The following MRAP2 variants were observed in gnomAD, a reference collection of about 807,000 sequenced individuals.
The protein encoded by MRAP2 is melanocortin-2 receptor accessory protein 2.
A neutral mutation model predicts 17.4 loss-of-function variants in MRAP2; 20 were observed. The ratio of observed to expected loss-of-function variants is 1.15; its 90% CI spans 0.81 to 1.67. The LOEUF is 1.67. Ranked by LOEUF, MRAP2 falls within the 40% of genes most tolerant of loss-of-function variation. MRAP2 has a pLI of 0.00. For synonymous variants in MRAP2, 96 were observed against 88.4 expected (o/e 1.09, Z -0.48); for missense variants, 238 against 240.0 (o/e 0.99, Z 0.05).
chr6:84,101,813 T>C, the MRAP2 span, among the ~76,000 whole-genome samples: 1 of 152,220 alleles, frequency 6.6e-6, no homozygotes, highest in Non-Finnish European at 1.5e-5. Context: ...TTAAATACTA[T>C]AGCAGTCATT....
At chr6:84,096,366 C>T in the MRAP2 span, among the ~76,000 whole-genome samples, 1 of 152,114 alleles carries the variant, frequency 6.6e-6, no homozygotes, top group Admixed American at 6.6e-5. Context: ...AAAAATTTAA[C>T]ACAAATGTTG....
At chr6:84,094,522 A>G (rs1202582403), downstream of MRAP2, among the ~76,000 whole-genome samples, 1 of 152,162 alleles carries the variant, frequency 6.6e-6, no homozygotes, top group African/African-American at 2.4e-5. Context: ...TGCTTTCTAC[A>G]TAATTGCAGG....
In MRAP2 at chr6:84,033,848, C is replaced by A. The variant is rs573957446; in HGVS notation, c.-43C>A. On this transcript the variant is annotated 5_prime_UTR_variant, in exon 1 of 4. Transcript: ENST00000257776. ...ACCTCGGAGGAGCCAGGAGCCGGAA[C>A]CAGGGCCGAGCCCGCGGGCCGGGGC... 1.0e-6 allele frequency: 1 copy of A among 987,140 alleles called. No homozygotes were observed. The highest frequency in any genetic ancestry group is 1.1e-4 in the East Asian group (1 of 8,796). 61.1% of individuals were successfully genotyped at this position (987,140 alleles called of 1,614,324 possible).
chr6:84,106,243 A>C, the MRAP2 span, among the ~76,000 whole-genome samples: 3 of 152,210 alleles, frequency 2.0e-5, no homozygotes, highest in Non-Finnish European at 4.4e-5. Flanking sequence ...GGTCAGTAGC[A>C]GTGCTTTGTG....
At chr6:84,039,406 A>AT (rs998091616) in intron 1 of MRAP2, among the ~76,000 whole-genome samples, 1 of 152,088 alleles carries the variant, frequency 6.6e-6, no homozygotes, top group Non-Finnish European at 1.5e-5. Context: ...GTACAAAGTG[A>AT]TTTTTTTGCT....
downstream of MRAP2, among the ~76,000 whole-genome samples, chr6:84,093,623 T>C (rs2099502167): frequency 6.6e-6 from 1 of 152,134 alleles, no homozygotes. Flanking sequence ...TGAGTCAGTT[T>C]TACAGGGCCT....
At position 84,063,002 on chromosome 6, in the gene MRAP2, G is replaced by A. The variant is rs1386080042; in HGVS notation, c.227+10G>A. The A allele has an allele frequency of 6.2e-7, 1 of 1,614,016 alleles. No homozygotes were observed. The highest frequency in any genetic ancestry group is 8.5e-7 in the Non-Finnish European group (1 of 1,179,976). On this transcript the variant is annotated intron_variant, in intron 3 of 3. Transcript: ENST00000257776. ...GAGCCCCACACCAAGAGTAAGTTTG[G>A]GCTGTTCCTAAATGTCTCTTAAGCC...
At chr6:84,107,954 T>C in the MRAP2 span, among the ~76,000 whole-genome samples, 1 of 152,226 alleles carries the variant, frequency 6.6e-6, no homozygotes, top group Non-Finnish European at 1.5e-5. Context: ...TAACCACTGA[T>C]CTAGCAACAA....
At chr6:84,079,694 G>A (rs950740964) in intron 3 of MRAP2, among the ~76,000 whole-genome samples, 3 of 152,112 alleles carry the variant, frequency 2.0e-5, no homozygotes, top group Non-Finnish European at 4.4e-5. Flanking sequence ...CACTGCAGTG[G>A]GAATACTCAT....
In MRAP2 at chr6:84,089,602, A is replaced by G. The variant is rs936943278; in HGVS notation, c.*121A>G. 1.4e-5 allele frequency: 17 copies of G among 1,187,878 alleles called. No individual in the cohort carries two copies. Among genetic ancestry groups the G allele is most frequent in the Admixed American group, 9.5e-5 (4 of 42,304 alleles). 73.6% of individuals were successfully genotyped at this position (1,187,878 alleles called of 1,614,324 possible). A position where few individuals can be genotyped will look rare whatever the true frequency, so the allele number is the denominator to read the frequency against. ...GAGAGAGACATAGAGATAGAGACAG[A>G]GAGGCAGAGAAGAGACCCCTTTAGA... On this transcript the variant is annotated 3_prime_UTR_variant, in exon 4 of 4. Transcript: ENST00000257776.
Position 84,065,284 on chromosome 6 carries a change from CA to C in MRAP2, c.227+2306del, listed in dbSNP as rs34029427. ...TAAATGACAGAGTAAGACCCTGTCT[CA>C]AAAAAAAAAAAAATTTAAACACAAA... On this transcript the variant is annotated intron_variant, in intron 3 of 3. Transcript: ENST00000257776. Among the ~76,000 whole-genome samples, 966 of 135,454 alleles carry C rather than the reference CA, an allele frequency of 7.1e-3. 8 individuals carry two copies. Among genetic ancestry groups the C allele is most frequent in the African/African-American group, 0.02 (755 of 37,598 alleles). The allele number at this position is 135,454 out of a possible 152,430, so 88.9% of individuals were successfully genotyped here. A position where few individuals can be genotyped will look rare whatever the true frequency, so the allele number is the denominator to read the frequency against.
chr6:84,141,858 C>T, the MRAP2 span, among the ~76,000 whole-genome samples: 1 of 152,092 alleles, frequency 6.6e-6, no homozygotes, highest in South Asian at 2.1e-4. Flanking sequence ...AAAAATATTC[C>T]TTAAGACTGT....
rs564724302 is a variant in MRAP2, at chr6:84,037,531, G to A, written c.-8+3648G>A. On this transcript the variant is annotated intron_variant, in intron 1 of 3. Transcript: ENST00000257776. Reference sequence around the variant, plus strand: ...GACCAGGCGCCATGGAGCAGGGGGCGGCGCCCGTTGGGGAGGCTCGGGCAG... The same window carrying A: ...GACCAGGCGCCATGGAGCAGGGGGCAGCGCCCGTTGGGGAGGCTCGGGCAG... 7.2e-5 allele frequency among the ~76,000 whole-genome samples: 11 copies of A among 152,284 alleles called. No homozygotes were observed. In the South Asian group the frequency reaches 1.9e-3, roughly 26 times the overall value.
downstream of MRAP2, among the ~76,000 whole-genome samples, chr6:84,091,455 C>T (rs1404382162): frequency 1.3e-5 from 2 of 152,054 alleles, no homozygotes; most frequent in Non-Finnish European, 2.9e-5. Context: ...TGGTCTCGAA[C>T]TCCTGACCTC....
chr6:84,107,122 G>A, the MRAP2 span, among the ~76,000 whole-genome samples: 1 of 151,972 alleles, frequency 6.6e-6, no homozygotes, highest in East Asian at 1.9e-4. Context: ...AGCCCAAATG[G>A]CAGAGCAGTC....
chr6:84,079,039 T>C (rs555968739), intron 3 of MRAP2, among the ~76,000 whole-genome samples: 1 of 152,334 alleles, frequency 6.6e-6, no homozygotes, highest in South Asian at 2.1e-4. Flanking sequence ...ATCCACTACA[T>C]GACTCAATTC....
chr6:84,122,028 A>C, the MRAP2 span, among the ~76,000 whole-genome samples: 1 of 152,166 alleles, frequency 6.6e-6, no homozygotes, highest in Admixed American at 6.5e-5. Context: ...CCAAATTGAC[A>C]GCTAGATTAA....
At chr6:84,041,034 G>GA (rs1202506666) in intron 1 of MRAP2, among the ~76,000 whole-genome samples, 1 of 152,142 alleles carries the variant, frequency 6.6e-6, no homozygotes, top group Non-Finnish European at 1.5e-5. Context: ...GGCCTAGGAA[G>GA]AAAAAATGGT....
intron 1 of MRAP2, among the ~76,000 whole-genome samples, chr6:84,037,206 A>G (rs2099486314): frequency 6.6e-6 from 1 of 152,148 alleles, no homozygotes; most frequent in African/African-American, 2.4e-5. Context: ...TGAGCTAGAC[A>G]CAGAGTGCTG....
Sources: gnomAD v4.1 joint callset for allele counts (sites outside exome capture counted in the v4.1 genomes callset) on GRCh38, gnomAD v4.1.1 for gene constraint, MANE v1.5 for transcripts, NCBI Gene and HGNC (gene_info 2026-07-23, HGNC 2026-07-21) for gene names.